The following WDR27 variants were observed in gnomAD, a reference collection of about 807,000 sequenced individuals.
WDR27 encodes WD repeat domain 27, also known as WD repeat-containing protein 27.
In WDR27, 100 loss-of-function variants were observed where a neutral mutation model predicts 114.4. That is an observed-to-expected ratio of 0.87 (90% CI 0.74 to 1.03). The LOEUF (loss-of-function observed/expected upper bound fraction) is 1.03. Among genes scored for constraint, WDR27 ranks in the 50% least tolerant of loss-of-function variants. WDR27 has a pLI of 0.00. For synonymous variants in WDR27, 449 were observed against 423.1 expected, an observed-to-expected ratio of 1.06 and a Z score of -0.75; for missense variants, 1,129 against 1,092.9, an observed-to-expected ratio of 1.03 and a Z score of -0.47.
the WDR27 span, among the ~76,000 whole-genome samples, chr6:169,428,660 A>G: frequency 1.9e-3 from 284 of 152,020 alleles, 2 homozygotes; most frequent in African/African-American, 6.6e-3. Flanking sequence ...GAGCTCTACA[A>G]GGGAGGCACA....
chr6:169,636,897 C>T (rs1817767765), intron 18 of WDR27, among the ~76,000 whole-genome samples: 1 of 152,248 alleles, frequency 6.6e-6, no homozygotes, highest in South Asian at 2.1e-4. Flanking sequence ...ACGGCATCCA[C>T]AGCTCTCAGC....
intron 23 of WDR27, among the ~76,000 whole-genome samples, chr6:169,591,097 C>T (rs1202095788): frequency 6.6e-6 from 1 of 152,202 alleles, no homozygotes; most frequent in Admixed American, 6.5e-5. Flanking sequence ...TGCATTCCCA[C>T]CGACTGTGCG....
At chr6:169,576,696 G>A (rs1448294443) in intron 24 of WDR27, among the ~76,000 whole-genome samples, 1 of 150,872 alleles carries the variant, frequency 6.6e-6, no homozygotes, top group Non-Finnish European at 1.5e-5. Context: ...GAACCCAGGA[G>A]TTCGAGGCTG....
intron 2 of WDR27, among the ~76,000 whole-genome samples, chr6:169,676,494 T>A (rs1780101162): frequency 6.6e-6 from 1 of 152,176 alleles, no homozygotes; most frequent in Non-Finnish European, 1.5e-5. Context: ...GTGGGGAAAA[T>A]CTACATTCTG....
At chr6:169,509,475 G>A (rs1475944961) in intron 25 of WDR27, among the ~76,000 whole-genome samples, 13 of 151,646 alleles carry the variant, frequency 8.6e-5, no homozygotes, top group South Asian at 2.1e-4. Flanking sequence ...AAATAATGCC[G>A]CATATCTACA....
At chr6:169,639,107 G>A (rs2128225030) in intron 17 of WDR27, among the ~76,000 whole-genome samples, 1 of 144,242 alleles carries the variant, frequency 6.9e-6, no homozygotes, top group Non-Finnish European at 1.5e-5. Flanking sequence ...AGTGTGGAGC[G>A]TGTACCATGT....
At chr6:169,445,181 C>T in the WDR27 span, among the ~76,000 whole-genome samples, 1 of 152,200 alleles carries the variant, frequency 6.6e-6, no homozygotes, top group African/African-American at 2.4e-5. Context: ...AGAATTGTCA[C>T]ACGTGCAGAT....
intron 25 of WDR27, among the ~76,000 whole-genome samples, chr6:169,511,628 TAC>T (rs1006174497): frequency 3.3e-5 from 5 of 152,130 alleles, no homozygotes. Context: ...TCTAAGTACA[TAC>T]ATAATATCCT....
chr6:169,581,370 C>A (rs1803392451), intron 24 of WDR27, among the ~76,000 whole-genome samples: 1 of 152,152 alleles, frequency 6.6e-6, no homozygotes, highest in South Asian at 2.1e-4. Flanking sequence ...ATTTTTCTTT[C>A]TTTCTGACCA....
intron 1 of WDR27, 103 bp downstream of exon 1, chr6:169,701,448 G>C (rs977726646): frequency 1.3e-5 from 2 of 152,278 alleles, no homozygotes; most frequent in African/African-American, 2.4e-5. Context: ...GGAGGTGCAG[G>C]AGGCCGGGCA....
At chr6:169,482,932 A>G (rs1399225910) in intron 25 of WDR27, among the ~76,000 whole-genome samples, 1 of 152,208 alleles carries the variant, frequency 6.6e-6, no homozygotes, top group East Asian at 1.9e-4. Flanking sequence ...CTCCTGAATG[A>G]CTTTTGGGTA....
At chr6:169,673,128 T>C (rs1347741047) in intron 2 of WDR27, among the ~76,000 whole-genome samples, 3 of 151,934 alleles carry the variant, frequency 2.0e-5, no homozygotes, top group African/African-American at 2.4e-5. Flanking sequence ...CCAATGGATA[T>C]GGAGGGATGG....
At chr6:169,525,529 C>G (rs1429570064) in intron 25 of WDR27, among the ~76,000 whole-genome samples, 2 of 131,404 alleles carry the variant, frequency 1.5e-5, no homozygotes, top group East Asian at 2.1e-4. Context: ...GAGCAAGACT[C>G]CATCTCAAAA....
intron 2 of WDR27, among the ~76,000 whole-genome samples, chr6:169,680,287 A>T (rs1024735535): frequency 2.6e-5 from 4 of 152,246 alleles, no homozygotes; most frequent in Admixed American, 6.5e-5. Context: ...GAGCCTTAAA[A>T]TTAAAAAAGA....
the WDR27 span, among the ~76,000 whole-genome samples, chr6:169,438,983 T>C: frequency 3.0e-4 from 45 of 152,326 alleles, 1 homozygote; most frequent in Admixed American, 2.7e-3. Flanking sequence ...TCTGATTATA[T>C]TTTAATTAAA....
chr6:169,594,581 T>G (rs1806407464), intron 23 of WDR27, among the ~76,000 whole-genome samples: 1 of 152,238 alleles, frequency 6.6e-6, no homozygotes, highest in African/African-American at 2.4e-5. Context: ...CTTGTGAAAT[T>G]TGTTTATTTT....
rs1012298678 is a variant in WDR27 at position 169,632,189 on chromosome 6, CAAAAAAAAAAAAA to C, written c.2223+745_2223+757del. ...GGTGACAGAGCGAGAGACTCTGTCTCAAAAAAAAAAAAAAAAAAAAGAAGACGCAAAATGTGTT... is the reference window on the plus strand; with the variant it reads ...GGTGACAGAGCGAGAGACTCTGTCTCAAAAAAAGAAGACGCAAAATGTGTT... On this transcript the variant is annotated intron_variant, in intron 21 of 25. Coordinates refer to ENST00000448612, the MANE Select transcript of WDR27 (RefSeq NM_182552.5). 8.9e-3 allele frequency among the ~76,000 whole-genome samples: 569 copies of C among 63,910 alleles called. 1 individual carries two copies. The highest frequency in any genetic ancestry group is 0.013 in the Admixed American group (75 of 5,734). The allele number at this position is 63,910 out of a possible 152,430, so 41.9% of individuals were successfully genotyped here. A position where few individuals can be genotyped will look rare whatever the true frequency, so the allele number is the denominator to read the frequency against.
intron 18 of WDR27, among the ~76,000 whole-genome samples, chr6:169,637,529 ATG>A (rs906819568): frequency 5.0e-5 from 7 of 141,242 alleles, no homozygotes; most frequent in Non-Finnish European, 7.4e-5. Context: ...ATGCATCTAC[ATG>A]TGTGTGTGCC....
intron 25 of WDR27, among the ~76,000 whole-genome samples, chr6:169,486,830 T>C (rs1201574096): frequency 6.6e-6 from 1 of 152,238 alleles, no homozygotes; most frequent in Non-Finnish European, 1.5e-5. Context: ...CTCGATGTTT[T>C]CACAGGCACT....
Sources: allele counts gnomAD v4.1 joint callset (sites outside exome capture counted in the v4.1 genomes callset), GRCh38; gene constraint gnomAD v4.1.1; transcripts MANE v1.5; gene names NCBI Gene and HGNC (gene_info 2026-07-23, HGNC 2026-07-21).